PHACTR2: variants seen among roughly 807,000 people sequenced by gnomAD.
PHACTR2 encodes phosphatase and actin regulator 2, also known as chromosome 6 open reading frame 56.
In PHACTR2, 30 loss-of-function variants were observed where a neutral mutation model predicts 76.0. That is an observed-to-expected ratio of 0.39 (90% CI 0.30 to 0.54). The LOEUF (loss-of-function observed/expected upper bound fraction) is 0.54. Among genes scored for constraint, PHACTR2 ranks in the 20% least tolerant of loss-of-function variants. The pLI, the probability that PHACTR2 is intolerant of heterozygous loss-of-function variation, is 0.61. For synonymous variants in PHACTR2, 292 were observed against 292.5 expected (o/e 1.00, Z 0.02); for missense variants, 696 against 781.1 (o/e 0.89, Z 1.30).
chr6:143,647,630 C>T lies in PHACTR2; in HGVS notation c.13+39308C>T, dbSNP rs904852829. 5.3e-5 allele frequency among the ~76,000 whole-genome samples: 8 copies of T among 152,138 alleles called. No individual in the cohort carries two copies. Among genetic ancestry groups the T allele is most frequent in the East Asian group, 3.8e-4 (2 of 5,204 alleles). On this transcript the variant is annotated intron_variant, in intron 1 of 11. Transcript: ENST00000305766. This position sits in a 1 kb window ranked among gnomAD's most constrained non-coding sequence, Gnocchi z 4.2. ...AGAATCATGGGGTTTTGACTTTACG[C>T]GGGAGTCAGGGAAGGCCTCCGTGAG...
At chr6:143,723,704 G>A (rs928534577) in intron 2 of PHACTR2, among the ~76,000 whole-genome samples, 12 of 152,006 alleles carry the variant, frequency 7.9e-5, no homozygotes, top group Non-Finnish European at 8.8e-5. Flanking sequence ...CGAGAATAGC[G>A]GTCAGTGAGA....
At chr6:143,706,351 G>A (rs1778053183) in intron 1 of PHACTR2, among the ~76,000 whole-genome samples, 1 of 152,142 alleles carries the variant, frequency 6.6e-6, no homozygotes, top group South Asian at 2.1e-4. Context: ...CCTTCTGAGA[G>A]GACAGAGCTA....
chr6:143,730,035 T>G lies in PHACTR2; in HGVS notation c.214+17852T>G, dbSNP rs960289388. 1.3e-5 allele frequency among the ~76,000 whole-genome samples: 2 copies of G among 152,216 alleles called. No homozygotes were observed. The highest frequency in any genetic ancestry group is 4.8e-5 in the African/African-American group (2 of 41,472). ...TTATTCTCTTAATCTGTGTCTATTC[T>G]TTCACCAATATCACACTATCTTGAT... On this transcript the variant is annotated intron_variant, in intron 2 of 12. Transcript: ENST00000440869. This position sits in a 1 kb window ranked among gnomAD's most constrained non-coding sequence, Gnocchi z 4.8.
intron 1 of PHACTR2, among the ~76,000 whole-genome samples, chr6:143,640,255 C>G (rs1776541176): frequency 6.6e-6 from 1 of 152,134 alleles, no homozygotes; most frequent in Admixed American, 6.5e-5. Flanking sequence ...TTTTAATCAC[C>G]ATTTTAGAGT....
At chr6:143,608,030 C>G, upstream of PHACTR2, 1 of 469,304 alleles carries the variant, frequency 2.1e-6, no homozygotes, top group Non-Finnish European at 3.8e-6. This position sits in a 1 kb window ranked among gnomAD's most constrained non-coding sequence, Gnocchi z 4.6. Context: ...GATTTTTTTC[C>G]CCCTCCTTAG....
intron 1 of PHACTR2, among the ~76,000 whole-genome samples, chr6:143,649,562 C>A (rs888563582): frequency 6.6e-6 from 1 of 152,112 alleles, no homozygotes; most frequent in East Asian, 1.9e-4. Context: ...AAATGTGATT[C>A]ATCACATAAA....
intron 1 of PHACTR2, among the ~76,000 whole-genome samples, chr6:143,560,283 A>T (rs770772098): frequency 3.3e-5 from 5 of 152,262 alleles, no homozygotes; most frequent in Non-Finnish European, 7.3e-5. Flanking sequence ...CTGTCTTTAC[A>T]AACAGAGCCC....
intron 7 of PHACTR2, among the ~76,000 whole-genome samples, chr6:143,773,312 T>C (rs1775196896): frequency 6.6e-6 from 1 of 152,168 alleles, no homozygotes; most frequent in Non-Finnish European, 1.5e-5. Flanking sequence ...GAAATAATAA[T>C]ATCATTTATG....
rs61746200 is a variant in PHACTR2, at chr6:143,760,567, T to C, written c.621T>C (p.Asn207=). 1 of 1,613,730 alleles carries C rather than the reference T, an allele frequency of 6.2e-7. No individual in the cohort carries two copies. Among genetic ancestry groups the C allele is most frequent in the Non-Finnish European group, 8.5e-7 (1 of 1,179,808 alleles). ...ATGAAGTGCCTCCCATTAAAAAAAA[T>C]ACCAAGGCTCCTGGTAAGCAGGCCC... is the stretch of plus-strand genomic sequence containing the variant. The part of the protein sequence containing the change: ...KGDEVPPIKK[N]TKAPGKQAPV... Residue 207 remains asparagine, a synonymous_variant, in exon 5 of 13, where the codon AAT becomes AAC. Coordinates refer to ENST00000440869, the MANE Select transcript of PHACTR2 (RefSeq NM_001100164.2). The surrounding 1 kb of genome is among the most constrained non-coding windows in gnomAD (Gnocchi z 6.4).
chr6:143,724,990 T>C (rs1778528201), intron 2 of PHACTR2, among the ~76,000 whole-genome samples: 2 of 152,206 alleles, frequency 1.3e-5, no homozygotes, highest in African/African-American at 4.8e-5. Context: ...CAAGTTCACT[T>C]TCTATGGCGA....
At position 143,826,535 on chromosome 6, in the gene PHACTR2, C is replaced by T. The variant is rs1390988985; in HGVS notation, c.*2846C>T. 1 of 152,050 alleles carries T rather than the reference C, an allele frequency of 6.6e-6. No homozygotes were observed. Among genetic ancestry groups the T allele is most frequent in the South Asian group, 2.1e-4 (1 of 4,808 alleles). The allele number at this position is 152,050 out of a possible 1,614,324, so 9.4% of individuals were successfully genotyped here. A position where few individuals can be genotyped will look rare whatever the true frequency, so the allele number is the denominator to read the frequency against. ...AAACAAACCCATCTCCAGGAAGATC[C>T]CAGGCAGGAAAGAACTAGACAGATG... On this transcript the variant is annotated 3_prime_UTR_variant, in exon 13 of 13. Coordinates refer to ENST00000440869, the MANE Select transcript of PHACTR2 (RefSeq NM_001100164.2).
At position 143,738,082 on chromosome 6, in the gene PHACTR2, C is replaced by T. The variant is rs558117791; in HGVS notation, c.215-10903C>T. Among the ~76,000 whole-genome samples, 6 of 152,296 alleles carry T rather than the reference C, an allele frequency of 3.9e-5. No homozygotes were observed. Among genetic ancestry groups the T allele is most frequent in the South Asian group, 4.2e-4 (2 of 4,818 alleles). On this transcript the variant is annotated intron_variant, in intron 2 of 12. Transcript: ENST00000440869. The surrounding 1 kb of genome is among the most constrained non-coding windows in gnomAD (Gnocchi z 4.0). ...TGGTGTTGTTTTAATATGTATTGTT[C>T]ATGGCTCAACTCAATAAAAAATAGG... is the stretch of plus-strand genomic sequence containing the variant.
Position 143,816,307 on chromosome 6 carries a change from C to T in PHACTR2, c.1923-7367C>T, listed in dbSNP as rs181660747. ...AAACTACCGAGAAATAGCAAAATAC[C>T]GAGAAATAACAAACTGAAGAGTATT... On this transcript the variant is annotated intron_variant, in intron 12 of 12. Coordinates refer to ENST00000440869, the MANE Select transcript of PHACTR2 (RefSeq NM_001100164.2). The surrounding 1 kb of genome is among the most constrained non-coding windows in gnomAD (Gnocchi z 4.5). 1.3e-4 allele frequency among the ~76,000 whole-genome samples: 20 copies of T among 151,934 alleles called. No individual in the cohort carries two copies. Among genetic ancestry groups the T allele is most frequent in the Admixed American group, 9.2e-4 (14 of 15,248 alleles).
intron 12 of PHACTR2, among the ~76,000 whole-genome samples, chr6:143,813,834 A>G (rs901245264): frequency 1.3e-5 from 2 of 152,098 alleles, no homozygotes; most frequent in African/African-American, 4.8e-5. Context: ...AGATATTCAC[A>G]TACAGTGACC....
rs1781188674 is a variant in PHACTR2 at position 143,543,309 on chromosome 6, C to A, written c.217+6102C>A. Among the ~76,000 whole-genome samples, 1 of 152,204 alleles carries A rather than the reference C, an allele frequency of 6.6e-6. No individual in the cohort carries two copies. The highest frequency in any genetic ancestry group is 1.5e-5 in the Non-Finnish European group (1 of 68,048). ...TGGCCCCTACGTACTGATGAAGATG[C>A]TGTAGGCAAGGGCATATCTTGATTT... is the stretch of plus-strand genomic sequence containing the variant. On this transcript the variant is annotated intron_variant, in intron 1 of 11. Coordinates refer to the PHACTR2 transcript ENST00000367584. This position sits in a 1 kb window ranked among gnomAD's most constrained non-coding sequence, Gnocchi z 4.7.
Position 143,592,078 on chromosome 6 carries a change from G to A in PHACTR2, c.217+54871G>A, listed in dbSNP as rs554541415. Among the ~76,000 whole-genome samples the A allele has an allele frequency of 1.8e-4, 28 of 152,288 alleles. No homozygotes were observed. The highest frequency in any genetic ancestry group is 5.8e-4 in the African/African-American group (24 of 41,568). On this transcript the variant is annotated intron_variant, in intron 1 of 11. Transcript: ENST00000367584. This position sits in a 1 kb window ranked among gnomAD's most constrained non-coding sequence, Gnocchi z 4.0. Reference sequence around the variant, plus strand: ...TGGGACAGACCTGGTGGTGCTCTGAGGAGTGGGTGCTTCAGGCCAGGAGCC... The same window carrying A: ...TGGGACAGACCTGGTGGTGCTCTGAAGAGTGGGTGCTTCAGGCCAGGAGCC...
chr6:143,750,809 A>C lies in PHACTR2; in HGVS notation c.295+1744A>C, dbSNP rs1010432248. Among the ~76,000 whole-genome samples, 1 of 152,218 alleles carries C rather than the reference A, an allele frequency of 6.6e-6. No individual in the cohort carries two copies. The highest frequency in any genetic ancestry group is 1.5e-5 in the Non-Finnish European group (1 of 68,030). On this transcript the variant is annotated intron_variant, in intron 3 of 12. Coordinates refer to ENST00000440869, the MANE Select transcript of PHACTR2 (RefSeq NM_001100164.2). The surrounding 1 kb of genome is among the most constrained non-coding windows in gnomAD (Gnocchi z 4.6). Reference sequence around the variant, plus strand: ...TGGAAACTAAAAGTTTTAAAACATAAAAGAACAAAACAATTTTTTAACCTA... The same window carrying C: ...TGGAAACTAAAAGTTTTAAAACATACAAGAACAAAACAATTTTTTAACCTA...
At chr6:143,790,794 C>T (rs1229879430) in intron 11 of PHACTR2, among the ~76,000 whole-genome samples, 1 of 152,066 alleles carries the variant, frequency 6.6e-6, no homozygotes, top group African/African-American at 2.4e-5. Context: ...CTGCTTCAGC[C>T]TCCCGAGTGG....
At chr6:143,540,820 A>T (rs187722811) in intron 1 of PHACTR2, among the ~76,000 whole-genome samples, 8 of 152,372 alleles carry the variant, frequency 5.3e-5, no homozygotes, top group African/African-American at 1.9e-4. Flanking sequence ...AGTGGAATTT[A>T]TGAATAAACT....
Sources: allele counts gnomAD v4.1 joint callset (sites outside exome capture counted in the v4.1 genomes callset), GRCh38; gene constraint gnomAD v4.1.1; non-coding constraint Gnocchi (gnomAD v3.1); transcripts MANE v1.5; gene names NCBI Gene and HGNC (gene_info 2026-07-23, HGNC 2026-07-21).